ERMP1: variants seen among roughly 807,000 people sequenced by gnomAD.
ERMP1 encodes Felix-ina.
ERMP1 carries 86 observed loss-of-function variants against 92.0 expected under a neutral mutation model. The observed-to-expected ratio is 0.93, with a 90% confidence interval of 0.79 to 1.12. The LOEUF is 1.12. ERMP1 is among the 50% of genes most tolerant of loss of function. ERMP1 has a pLI of 0.00. For synonymous variants in ERMP1, 530 were observed against 412.8 expected, an observed-to-expected ratio of 1.28 and a Z score of -3.44; for missense variants, 1,342 against 1,116.3, an observed-to-expected ratio of 1.20 and a Z score of -2.88.
chr9:5,860,104 CG>C (rs969412131), intron 5 of ERMP1, among the ~76,000 whole-genome samples: 1 of 147,566 alleles, frequency 6.8e-6, no homozygotes, highest in African/African-American at 2.5e-5. Context: ...TGAGACCAGC[CG>C]GGGCAGTATA....
In ERMP1 at chr9:5,812,971, C is replaced by G; in HGVS notation, c.939G>C (p.Val313=). 6.2e-7 allele frequency: 1 copy of G among 1,613,990 alleles called. No individual in the cohort carries two copies. The highest frequency in any genetic ancestry group is 8.5e-7 in the Non-Finnish European group (1 of 1,179,924). ...CACTCTGAAAAACCTCCTGAGCCAC[C>G]ACAGAAGCAAAAGGGTGTTTAGCTG... ...VSAAKHPFAS[V]VAQEVFQSGI... Residue 313 remains valine, a synonymous_variant, in exon 5 of 15, where the codon GTG becomes GTC. Transcript: ENST00000339450.
At chr9:5,861,558 T>C (rs1830495104) in intron 5 of ERMP1, among the ~76,000 whole-genome samples, 1 of 152,016 alleles carries the variant, frequency 6.6e-6, no homozygotes, top group Non-Finnish European at 1.5e-5. Flanking sequence ...CACTAAGAAG[T>C]GGACAGTTAA....
intron 11 of ERMP1, among the ~76,000 whole-genome samples, chr9:5,800,258 T>C (rs909008229): frequency 1.3e-5 from 2 of 152,154 alleles, no homozygotes; most frequent in Non-Finnish European, 2.9e-5. Flanking sequence ...TATGAGAACT[T>C]TTAAAAACAA....
chr9:5,842,883 C>T (rs1830183387), intron 6 of ERMP1, among the ~76,000 whole-genome samples: 1 of 152,204 alleles, frequency 6.6e-6, no homozygotes, highest in African/African-American at 2.4e-5. Context: ...AAGGAAATCG[C>T]TTAATTCATA....
At position 5,787,256 on chromosome 9, in the gene ERMP1, T is replaced by G. The variant is rs371806673; in HGVS notation, c.2603A>C (p.Tyr868Ser). The G allele has an allele frequency of 6.2e-6, 10 of 1,613,868 alleles. No homozygotes were observed. The highest frequency in any genetic ancestry group is 8.5e-6 in the Non-Finnish European group (10 of 1,179,954). Residue 868 changes from tyrosine (Y) to serine (S), a missense_variant, in exon 15 of 15, where the codon TAT (tyrosine) becomes TCT (serine). Tyr to Ser is a moderately radical substitution (Grantham distance 144). Transcript: ENST00000339450. The stretch of plus-strand genomic sequence containing the variant: ...GGATCTCTTGTCTTCCCCAGACAGA[T>G]AGTGGGCAGCAATGGCCACGGTGAC... ...GMVTVAIAAHYLSGEDKRSPQ... is the reference protein window; with the variant it reads ...GMVTVAIAAHSLSGEDKRSPQ...
chr9:5,861,185 GT>G (rs1459474551), intron 5 of ERMP1, among the ~76,000 whole-genome samples: 4 of 139,574 alleles, frequency 2.9e-5, no homozygotes, highest in African/African-American at 1.0e-4. Context: ...GTGTGTGTGT[GT>G]GTGTGTGTGT....
intron 6 of ERMP1, among the ~76,000 whole-genome samples, chr9:5,845,607 C>T (rs1563780358): frequency 6.6e-6 from 1 of 152,150 alleles, no homozygotes; most frequent in East Asian, 1.9e-4. Flanking sequence ...CACTCCCTTC[C>T]ATTTGCTACC....
At chr9:5,825,312 A>G (rs1829691501) in intron 2 of ERMP1, 93 bp from the exon 3 acceptor site, 1 of 1,253,206 alleles carries the variant, frequency 8.0e-7, no homozygotes, top group African/African-American at 1.5e-5. Flanking sequence ...TCCTCAGAGA[A>G]GCATCACAAT....
chr9:5,832,091 A>G (rs1829962893), intron 1 of ERMP1, among the ~76,000 whole-genome samples: 1 of 152,112 alleles, frequency 6.6e-6, no homozygotes, highest in Non-Finnish European at 1.5e-5. Context: ...GTCTTAAAAA[A>G]AAAAAAAAAA....
At chr9:5,866,756 A>C (rs1830677426) in intron 5 of ERMP1, among the ~76,000 whole-genome samples, 1 of 152,202 alleles carries the variant, frequency 6.6e-6, no homozygotes, top group Non-Finnish European at 1.5e-5. Flanking sequence ...ATGATGACCC[A>C]GCTGTGGGAA....
intron 1 of ERMP1, chr9:5,832,392 G>A (rs1023974014): frequency 2.9e-5 from 11 of 378,880 alleles, no homozygotes; most frequent in Non-Finnish European, 5.2e-5. Flanking sequence ...AGAATATGGG[G>A]AGACGACTCA....
intron 9 of ERMP1, among the ~76,000 whole-genome samples, 182 bp from the exon 10 acceptor site, chr9:5,805,399 A>C (rs183426074): frequency 9.8e-5 from 15 of 152,290 alleles, no homozygotes; most frequent in Admixed American, 7.2e-4. Context: ...AATAAGAATA[A>C]AGCAAAATAC....
chr9:5,790,032 C>T (rs1828111190), intron 13 of ERMP1, among the ~76,000 whole-genome samples: 1 of 151,950 alleles, frequency 6.6e-6, no homozygotes, highest in Non-Finnish European at 1.5e-5. Context: ...TACAAAAACA[C>T]TAAGGTGAAG....
chr9:5,823,585 T>C (rs1309175712), intron 4 of ERMP1, among the ~76,000 whole-genome samples: 3 of 152,170 alleles, frequency 2.0e-5, no homozygotes, highest in Non-Finnish European at 2.9e-5. Flanking sequence ...TTATAATCTC[T>C]CTGGACTCAG....
chr9:5,825,535 G>C (rs1292947602), intron 2 of ERMP1, among the ~76,000 whole-genome samples: 2 of 152,178 alleles, frequency 1.3e-5, no homozygotes, highest in Admixed American at 6.5e-5. Flanking sequence ...GGTATTCTCA[G>C]CAAACCAAGG....
chr9:5,864,451 C>T (rs1830591626), intron 5 of ERMP1, among the ~76,000 whole-genome samples: 1 of 152,182 alleles, frequency 6.6e-6, no homozygotes, highest in Non-Finnish European at 1.5e-5. Context: ...CTCATTTATA[C>T]TAGAGTAGAA....
intron 6 of ERMP1, among the ~76,000 whole-genome samples, chr9:5,855,218 G>A (rs2129766544): frequency 6.6e-6 from 1 of 152,298 alleles, no homozygotes; most frequent in South Asian, 2.1e-4. Context: ...TTCCTCCTAG[G>A]ATGTCTGAAA....
rs757961750 is a variant in ERMP1, at chr9:5,832,908, C to G, written c.120G>C (p.Val40=). ...TCCTCCCGCCGCCGCTGCACCCATC[C>G]ACCAGAGGCTCCTGCGCTCGGGCCT... The part of the protein sequence containing the change: ...EREARAQEPL[V]DGCSGGGRTR... The change falls in exon 1 of 15, where the codon GTG becomes GTC. Residue 40 remains valine, a synonymous_variant. Transcript: ENST00000339450. 6.4e-7 allele frequency: 1 copy of G among 1,560,120 alleles called. No homozygotes were observed. Among genetic ancestry groups the G allele is most frequent in the African/African-American group, 1.4e-5 (1 of 70,782 alleles).
At position 5,786,533 on chromosome 9, in the gene ERMP1, C is replaced by G. The variant is rs1239385256; in HGVS notation, c.*611G>C. On this transcript the variant is annotated 3_prime_UTR_variant, in exon 15 of 15. Coordinates refer to ENST00000339450, the MANE Select transcript of ERMP1 (RefSeq NM_024896.3). ...GTCCACTTGTCAGGACAGTGAGTCACCAGCTCAGCACAGGGTCCAGGCCTC... is the reference window on the plus strand; with the variant it reads ...GTCCACTTGTCAGGACAGTGAGTCAGCAGCTCAGCACAGGGTCCAGGCCTC... 6.6e-6 allele frequency: 1 copy of G among 152,634 alleles called. No homozygotes were observed. The highest frequency in any genetic ancestry group is 2.4e-5 in the African/African-American group (1 of 41,462). The allele number at this position is 152,634 out of a possible 1,614,324, so 9.5% of individuals were successfully genotyped here.
Sources: allele counts gnomAD v4.1 joint callset (sites outside exome capture counted in the v4.1 genomes callset), GRCh38; gene constraint gnomAD v4.1.1; transcripts MANE v1.5; gene names NCBI Gene and HGNC (gene_info 2026-07-23, HGNC 2026-07-21).